Variants in FCRL2 observed in about 807,000 individuals in gnomAD.
The protein encoded by FCRL2 is Fc receptor like 2.
A neutral mutation model predicts 59.8 loss-of-function variants in FCRL2; 48 were observed. The observed-to-expected ratio is 0.80, with a 90% CI of 0.64 to 1.02. The LOEUF (loss-of-function observed/expected upper bound fraction) is 1.02. Ranked by LOEUF, FCRL2 falls within the 50% of genes least tolerant of loss-of-function variation. FCRL2 has a pLI of 0.00. For missense variants in FCRL2, 658 were observed against 597.3 expected (o/e 1.10, Z -1.06); for synonymous variants, 251 against 229.5 (o/e 1.09, Z -0.85).
chr1:157,774,404 A>G (rs775512977), intron 2 of FCRL2: 6 of 456,068 alleles, frequency 1.3e-5, no homozygotes, highest in Non-Finnish European at 2.2e-5. Context: ...TTCTGGCTAT[A>G]TAAGTCCTGC....
In FCRL2 at chr1:157,769,264, C is replaced by T. The variant is rs540863315; in HGVS notation, c.596-563G>A. The T allele has an allele frequency of 2.8e-4, 44 of 156,252 alleles. No individual in the cohort carries two copies. In the South Asian group the frequency reaches 5.1e-3, roughly 18 times the overall value. The allele number at this position is 156,252 out of a possible 1,614,324, so 9.7% of individuals were successfully genotyped here. ...GCAGGTGGTTTGCCTTTTGAAGTGTCCCACCCACTACTAAATGCCAAGGCA... is the reference window on the plus strand; with the variant it reads ...GCAGGTGGTTTGCCTTTTGAAGTGTTCCACCCACTACTAAATGCCAAGGCA... On this transcript the variant is annotated intron_variant, in intron 4 of 11. Transcript: ENST00000361516.
rs544718202 is a variant in FCRL2 at position 157,764,312 on chromosome 1, C to G, written c.1279+2543G>C. ...TATATGTACTCAACACTTGAGCACCCAAAATCATAAAGTAAATATTGCTTA... is the reference window on the plus strand; with the variant it reads ...TATATGTACTCAACACTTGAGCACCGAAAATCATAAAGTAAATATTGCTTA... On this transcript the variant is annotated intron_variant, in intron 7 of 11. Transcript: ENST00000361516. Among the ~76,000 whole-genome samples the G allele has an allele frequency of 2.6e-5, 4 of 151,984 alleles. No homozygotes were observed. In the East Asian group the frequency reaches 7.7e-4, roughly 29 times the overall value.
chr1:157,767,260 C>T lies in FCRL2; in HGVS notation c.1133G>A (p.Cys378Tyr). 1 of 1,613,932 alleles carries T rather than the reference C, an allele frequency of 6.2e-7. No homozygotes were observed. Among genetic ancestry groups the T allele is most frequent in the Non-Finnish European group, 8.5e-7 (1 of 1,179,844 alleles). ...GATGGAGACTGGCACTGCCTCACTG[C>T]ACTGGGCCCCCAGGCCGTTGTTGGC... Reference protein sequence around the residue: ...CEANNGLGAQCSEAVPVSISG... With the variant: ...CEANNGLGAQYSEAVPVSISG... Residue 378 changes from cysteine (C) to tyrosine (Y), a missense_variant, in exon 6 of 12, where the codon TGC becomes TAC. Coordinates refer to ENST00000361516, the MANE Select transcript of FCRL2 (RefSeq NM_030764.4).
chr1:157,758,840 C>T (rs973040003), intron 7 of FCRL2, among the ~76,000 whole-genome samples: 1 of 152,148 alleles, frequency 6.6e-6, no homozygotes, highest in African/African-American at 2.4e-5. Flanking sequence ...GGAAAGGACT[C>T]TCTAATAAAT....
intron 1 of FCRL2, 105 bp from the exon 2 acceptor site, chr1:157,775,900 C>T (rs962353519): frequency 2.4e-6 from 3 of 1,248,406 alleles, no homozygotes; most frequent in African/African-American, 1.5e-5. Context: ...TTCCATTTTC[C>T]CTTTCTTTTC....
At chr1:157,753,424 T>C (rs1648349197) in intron 7 of FCRL2, among the ~76,000 whole-genome samples, 1 of 152,248 alleles carries the variant, frequency 6.6e-6, no homozygotes, top group Non-Finnish European at 1.5e-5. Flanking sequence ...AACACTTCAG[T>C]TACTTTTACT....
chr1:157,754,563 C>T (rs1648442874), intron 7 of FCRL2, among the ~76,000 whole-genome samples: 1 of 152,028 alleles, frequency 6.6e-6, no homozygotes, highest in South Asian at 2.1e-4. Context: ...GTCCTGAATT[C>T]CTTCTTACTT....
At chr1:157,772,901 C>T (rs1208501776) in intron 2 of FCRL2, among the ~76,000 whole-genome samples, 1 of 152,142 alleles carries the variant, frequency 6.6e-6, no homozygotes, top group Non-Finnish European at 1.5e-5. Context: ...CTCTCTCTCA[C>T]CAGAAGAGTG....
intron 7 of FCRL2, among the ~76,000 whole-genome samples, chr1:157,761,908 T>C (rs1649131283): frequency 6.6e-6 from 1 of 152,168 alleles, no homozygotes; most frequent in Admixed American, 6.5e-5. Flanking sequence ...ATGAATGCAT[T>C]TGAACCAATC....
intron 2 of FCRL2, among the ~76,000 whole-genome samples, chr1:157,774,824 A>G (rs1050864696): frequency 3.9e-5 from 6 of 152,182 alleles, no homozygotes; most frequent in Admixed American, 3.3e-4. Context: ...AGGTGACAGC[A>G]GGATCTGCTT....
Position 157,746,672 on chromosome 1 carries a change from T to C in FCRL2, c.*64A>G. 1 of 1,544,012 alleles carries C rather than the reference T, an allele frequency of 6.5e-7. No homozygotes were observed. The highest frequency in any genetic ancestry group is 9.0e-7 in the Non-Finnish European group (1 of 1,117,296). ...AAGCCTCAAGCATTTTCATAAGGTT[T>C]TATAGCAAGTCTTAATGATGCCCCA... On this transcript the variant is annotated 3_prime_UTR_variant, in exon 12 of 12. Coordinates refer to ENST00000361516, the MANE Select transcript of FCRL2 (RefSeq NM_030764.4).
At chr1:157,775,547 A>G (rs1223367443) in intron 2 of FCRL2, among the ~76,000 whole-genome samples, 2 of 152,236 alleles carry the variant, frequency 1.3e-5, no homozygotes, top group East Asian at 3.8e-4. Flanking sequence ...CAGGCTTTTA[A>G]GGAAGAGGCA....
At chr1:157,759,260 G>A (rs1174881183) in intron 7 of FCRL2, among the ~76,000 whole-genome samples, 3 of 152,176 alleles carry the variant, frequency 2.0e-5, no homozygotes, top group African/African-American at 7.2e-5. Context: ...GTGGAACTGT[G>A]AGTCGATTAA....
At chr1:157,758,293 G>C (rs74119543) in intron 7 of FCRL2, among the ~76,000 whole-genome samples, 2,701 of 152,256 alleles carry the variant, frequency 0.018, 70 homozygotes, top group African/African-American at 0.061. Context: ...TAAAGTAGCA[G>C]AGAGGGGTAA....
intron 7 of FCRL2, among the ~76,000 whole-genome samples, chr1:157,754,446 A>G (rs1004267883): frequency 2.0e-5 from 3 of 152,198 alleles, no homozygotes; most frequent in Admixed American, 2.0e-4. Context: ...AAATAACCAT[A>G]AAAATGGGCA....
chr1:157,762,720 G>C (rs905289656), intron 7 of FCRL2, among the ~76,000 whole-genome samples: 7 of 144,252 alleles, frequency 4.9e-5, no homozygotes, highest in Non-Finnish European at 1.6e-5. Context: ...CACCTATAAA[G>C]AAAAACAAAA....
At chr1:157,772,028 T>TTATATATA (rs35452726) in intron 2 of FCRL2, among the ~76,000 whole-genome samples, 1,597 of 147,104 alleles carry the variant, frequency 0.011, 30 homozygotes, top group African/African-American at 0.038. Context: ...AACAATCTGA[T>TTATATATA]TATATATATA....
intron 7 of FCRL2, among the ~76,000 whole-genome samples, chr1:157,761,482 G>A (rs1362491298): frequency 6.6e-6 from 1 of 152,090 alleles, no homozygotes; most frequent in Non-Finnish European, 1.5e-5. Context: ...GGTGACATGG[G>A]CCTGTAGTTT....
chr1:157,752,958 A>G (rs1648310263), intron 7 of FCRL2, among the ~76,000 whole-genome samples: 1 of 152,182 alleles, frequency 6.6e-6, no homozygotes, highest in Admixed American at 6.5e-5. Context: ...TAAGAATAGC[A>G]TAGTCATGAT....
Sources: allele counts gnomAD v4.1 joint callset (sites outside exome capture counted in the v4.1 genomes callset), GRCh38; gene constraint gnomAD v4.1.1; transcripts MANE v1.5; gene names NCBI Gene and HGNC (gene_info 2026-07-23, HGNC 2026-07-21).